HEATR1: variants seen among roughly 807,000 people sequenced by gnomAD.
HEATR1 encodes HEAT repeat-containing protein 1.
HEATR1 carries 77 observed loss-of-function variants against 248.2 expected under a neutral mutation model. The observed-to-expected ratio is 0.31, with a 90% CI of 0.26 to 0.37. The LOEUF (loss-of-function observed/expected upper bound fraction) is 0.37. Among genes scored for constraint, HEATR1 ranks in the 10% least tolerant of loss-of-function variants. The pLI is 1.00. For missense variants in HEATR1, 2,420 were observed against 2,504.9 expected (o/e 0.97, Z 0.72); for synonymous variants, 897 against 923.1 (o/e 0.97, Z 0.51).
At chr1:236,575,027 G>A in intron 22 of HEATR1, 124 bp from the exon 23 acceptor site, 6 of 849,966 alleles carry the variant, frequency 7.1e-6, no homozygotes, top group Non-Finnish European at 1.1e-5. Flanking sequence ...ACCCAATGAT[G>A]GTAACTTCTT....
chr1:236,569,769 T>C (rs1426477824), intron 28 of HEATR1, among the ~76,000 whole-genome samples: 1 of 152,104 alleles, frequency 6.6e-6, no homozygotes, highest in African/African-American at 2.4e-5. Flanking sequence ...ACCCAACAAT[T>C]CCACTCCTAG....
At position 236,549,223 on chromosome 1, in the gene HEATR1, T is replaced by C; in HGVS notation, c.*1679A>G. 2.6e-6 allele frequency: 1 copy of C among 377,768 alleles called. No homozygotes were observed. Among genetic ancestry groups the C allele is most frequent in the East Asian group, 3.7e-5 (1 of 26,676 alleles). The allele number at this position is 377,768 out of a possible 1,614,324, so 23.4% of individuals were successfully genotyped here. On this transcript the variant is annotated 3_prime_UTR_variant, in exon 45 of 45. Transcript: ENST00000366582. ...TCATTAGCAACTGAGATCAAAGCAC[T>C]CTTCCACTTTACGTGATTAAAATCA...
intron 18 of HEATR1, 53 bp downstream of exon 18, chr1:236,582,960 T>C (rs1663792377): frequency 6.2e-7 from 1 of 1,604,610 alleles, no homozygotes; most frequent in Non-Finnish European, 8.5e-7. Flanking sequence ...GTGGAGTCAA[T>C]CATTCAGTTT....
rs777098427 is a variant in HEATR1, at chr1:236,596,874, C to G, written c.706G>C (p.Asp236His). ...SALVAAEDVS[D>H]NIIAKLFPYI... is the part of the protein sequence containing the mutation. ...GGAAATAGTTTGGCGATGATATTGT[C>G]TGATACGTCCTCTGCAGCTACCAGC... is the stretch of plus-strand genomic sequence containing the variant. Residue 236 changes from aspartate to histidine, a missense_variant, in exon 6 of 45, where the codon GAC becomes CAC. Physicochemically the swap from Asp to His is moderately conservative, Grantham distance 81 (BLOSUM62 -1). Coordinates refer to ENST00000366582, the MANE Select transcript of HEATR1 (RefSeq NM_018072.6). 30 of 1,613,884 alleles carry G rather than the reference C, an allele frequency of 1.9e-5. No individual in the cohort carries two copies. The Admixed American group carries it at 2.8e-4, about 15-fold the overall frequency.
chr1:236,552,715 G>C (rs899988572), intron 43 of HEATR1: 2 of 152,216 alleles, frequency 1.3e-5, no homozygotes, highest in African/African-American at 4.8e-5. Flanking sequence ...GTTAGCTTTT[G>C]AAACAAAAGC....
chr1:236,551,191 G>A, intron 44 of HEATR1: 2 of 524,534 alleles, frequency 3.8e-6, no homozygotes. Context: ...CTTGCCCACA[G>A]GCTTGCACTG....
At position 236,571,217 on chromosome 1, in the gene HEATR1, G is replaced by A. The variant is rs1663415690; in HGVS notation, c.3948+134C>T. The A allele has an allele frequency of 4.6e-6, 5 of 1,088,356 alleles. No homozygotes were observed. The South Asian group carries it at 8.9e-5, about 19-fold the overall frequency. The allele number at this position is 1,088,356 out of a possible 1,614,324, so 67.4% of individuals were successfully genotyped here. ...TACAGTCCCAGCTATGAAGAGGCAG[G>A]GCTGAGAGTCTCACCAGTGCTGGAA... is the stretch of plus-strand genomic sequence containing the variant. On this transcript the variant is annotated intron_variant, in intron 28 of 44. Coordinates refer to ENST00000366582, the MANE Select transcript of HEATR1 (RefSeq NM_018072.6).
intron 32 of HEATR1, among the ~76,000 whole-genome samples, chr1:236,563,444 G>C (rs1663188558): frequency 6.6e-6 from 1 of 151,942 alleles, no homozygotes; most frequent in Non-Finnish European, 1.5e-5. Flanking sequence ...ACCACGCCCG[G>C]CTAATTTTTT....
chr1:236,576,484 A>C, intron 21 of HEATR1, 107 bp from the exon 22 acceptor site: 1 of 879,030 alleles, frequency 1.1e-6, no homozygotes, highest in Non-Finnish European at 1.7e-6. Context: ...ATTGTTTATA[A>C]TTTTCCATTT....
At chr1:236,557,705 G>A (rs911820433) in intron 36 of HEATR1, among the ~76,000 whole-genome samples, 1 of 152,144 alleles carries the variant, frequency 6.6e-6, no homozygotes, top group African/African-American at 2.4e-5. Flanking sequence ...GAACATACTG[G>A]CTGTACAGTA....
chr1:236,570,268 A>G lies in HEATR1; in HGVS notation c.3948+1083T>C, dbSNP rs562908436. Among the ~76,000 whole-genome samples, 200 of 152,354 alleles carry G rather than the reference A, an allele frequency of 1.3e-3. 3 individuals are homozygous for G. The highest frequency in any genetic ancestry group is 1.2e-3 in the Non-Finnish European group (81 of 68,032). ...CGCGCCACTGCACTCCAGCCTCGGCAACAGAGCGAGACTCCGTCTCAAAAC... is the reference window on the plus strand; with the variant it reads ...CGCGCCACTGCACTCCAGCCTCGGCGACAGAGCGAGACTCCGTCTCAAAAC... On this transcript the variant is annotated intron_variant, in intron 28 of 44. Coordinates refer to ENST00000366582, the MANE Select transcript of HEATR1 (RefSeq NM_018072.6).
At chr1:236,603,846 C>T in intron 2 of HEATR1, 108 bp downstream of exon 2, 1 of 1,209,528 alleles carries the variant, frequency 8.3e-7, no homozygotes, top group South Asian at 1.4e-5. Flanking sequence ...CTAGAAACTG[C>T]TAAGGAAGAG....
rs763883072 is a variant in HEATR1, at chr1:236,576,264, A to G, written c.3039T>C (p.Tyr1013=). The G allele has an allele frequency of 1.6e-5, 26 of 1,609,336 alleles. No individual in the cohort carries two copies. Among genetic ancestry groups the G allele is most frequent in the East Asian group, 4.5e-5 (2 of 44,710 alleles). ...GTACTTTCATCAAATCTTTTGCTAT[A>G]TAAGATGGGCAACTATACACACAAC... ...LLSCVYSCPS[Y]IAKDLMKVLQ... is the part of the protein sequence containing the mutation. The change falls in exon 22 of 45, where the codon TAT becomes TAC. Residue 1013 remains tyrosine, a synonymous_variant. Coordinates refer to ENST00000366582, the MANE Select transcript of HEATR1 (RefSeq NM_018072.6).
In HEATR1 at chr1:236,571,570, TTGG is replaced by T; in HGVS notation, c.3821_3823del (p.Pro1274_Lys1275delinsGln). On this transcript the variant is annotated inframe_deletion, in exon 27 of 45. Coordinates refer to ENST00000366582, the MANE Select transcript of HEATR1 (RefSeq NM_018072.6). Reference sequence around the variant, plus strand: ...CTTTCCTTCCAAAAAGTACCTACCTTTGGGTATTTTGCCACCATCTGGAGATAG... The same window carrying T: ...CTTTCCTTCCAAAAAGTACCTACCTTGTATTTTGCCACCATCTGGAGATAG... The T allele has an allele frequency of 6.2e-7, 1 of 1,613,630 alleles. No homozygotes were observed. The highest frequency in any genetic ancestry group is 1.1e-5 in the South Asian group (1 of 91,012).
At position 236,559,840 on chromosome 1, in the gene HEATR1, G is replaced by A. The variant is rs1215410858; in HGVS notation, c.4647-3C>T. 1.9e-6 allele frequency: 3 copies of A among 1,598,574 alleles called. No individual in the cohort carries two copies. Among genetic ancestry groups the A allele is most frequent in the Non-Finnish European group, 2.6e-6 (3 of 1,169,142 alleles). On this transcript the variant is annotated splice_region_variant and splice_polypyrimidine_tract_variant and intron_variant, in intron 33 of 44. Coordinates refer to ENST00000366582, the MANE Select transcript of HEATR1 (RefSeq NM_018072.6). Reference sequence around the variant, plus strand: ...AGCCGAGAACGGTCTCCAGCAACCTGAAACACAGAGGCTCGCTCAGCAAAC... The same window carrying A: ...AGCCGAGAACGGTCTCCAGCAACCTAAAACACAGAGGCTCGCTCAGCAAAC...
At position 236,552,090 on chromosome 1, in the gene HEATR1, C is replaced by T. The variant is rs371330984; in HGVS notation, c.6255G>A (p.Leu2085=). ...TTTCAGCCAGTGCTAACACAGTAAT[C>T]AAAGCAGCAAATCGAACCTGAAAGG... ...DSSPKVRFAA[L]ITVLALAEKL... Residue 2085 remains leucine, a synonymous_variant, in exon 44 of 45, where the codon TTG becomes TTA. Coordinates refer to ENST00000366582, the MANE Select transcript of HEATR1 (RefSeq NM_018072.6). The T allele has an allele frequency of 1.9e-6, 3 of 1,611,176 alleles. No individual in the cohort carries two copies. Among genetic ancestry groups the T allele is most frequent in the Non-Finnish European group, 2.5e-6 (3 of 1,178,300 alleles).
intron 36 of HEATR1, among the ~76,000 whole-genome samples, chr1:236,557,647 G>T (rs1663013622): frequency 6.6e-6 from 1 of 152,188 alleles, no homozygotes; most frequent in African/African-American, 2.4e-5. Context: ...ATCCTATGAG[G>T]TAGATACTGT....
Position 236,586,536 on chromosome 1 carries a change from C to T in HEATR1, c.1716-84G>A, listed in dbSNP as rs963542287. The T allele has an allele frequency of 7.2e-6, 6 of 832,554 alleles. No individual in the cohort carries two copies. In the African/African-American group the frequency reaches 8.5e-5, roughly 12 times the overall value. 51.6% of individuals were successfully genotyped at this position (832,554 alleles called of 1,614,324 possible). The stretch of plus-strand genomic sequence containing the variant: ...AAAATTCATCATTACATTACTCCAG[C>T]TTAACTGACAATATCCTGGTCTCCT... On this transcript the variant is annotated intron_variant, in intron 14 of 44. Coordinates refer to ENST00000366582, the MANE Select transcript of HEATR1 (RefSeq NM_018072.6).
intron 37 of HEATR1, 68 bp downstream of exon 37, chr1:236,557,127 C>A: frequency 1.3e-6 from 2 of 1,499,296 alleles, no homozygotes; most frequent in Non-Finnish European, 1.8e-6. Context: ...AAAACAAAAT[C>A]ACTACATTTG....
Sources: gnomAD v4.1 joint callset for allele counts (sites outside exome capture counted in the v4.1 genomes callset) on GRCh38, gnomAD v4.1.1 for gene constraint, MANE v1.5 for transcripts, NCBI Gene and HGNC (gene_info 2026-07-23, HGNC 2026-07-21) for gene names.